The following NDUFAF2 variants were observed in gnomAD, a reference collection of about 807,000 sequenced individuals.
The protein encoded by NDUFAF2 is NADH:ubiquinone oxidoreductase complex assembly factor 2.
NDUFAF2 carries 13 observed loss-of-function variants against 22.8 expected under a neutral mutation model. The ratio of observed to expected loss-of-function variants is 0.57; its 90% CI spans 0.37 to 0.91. The LOEUF is 0.91. Among genes scored for constraint, NDUFAF2 ranks in the 40% least tolerant of loss-of-function variants. NDUFAF2 has a pLI of 0.01. For synonymous variants in NDUFAF2, 53 were observed against 64.2 expected, an observed-to-expected ratio of 0.83 and a Z score of 0.84; for missense variants, 162 against 195.2, an observed-to-expected ratio of 0.83 and a Z score of 1.01.
intron 1 of NDUFAF2, among the ~76,000 whole-genome samples, chr5:61,053,741 C>T (rs1185541093): frequency 6.6e-6 from 1 of 151,488 alleles, no homozygotes; most frequent in Non-Finnish European, 1.5e-5. Flanking sequence ...CCTAAAGAAA[C>T]AATAAAGAAT....
intron 1 of NDUFAF2, among the ~76,000 whole-genome samples, chr5:61,024,736 C>T (rs1751628565): frequency 6.6e-6 from 1 of 151,864 alleles, no homozygotes; most frequent in South Asian, 2.1e-4. Flanking sequence ...TATTATTATA[C>T]CTCTGCTTAA....
chr5:61,081,639 A>T (rs988496507), intron 2 of NDUFAF2, among the ~76,000 whole-genome samples: 1 of 152,218 alleles, frequency 6.6e-6, no homozygotes, highest in African/African-American at 2.4e-5. Flanking sequence ...TCAAATGCCC[A>T]GACAAACCTC....
chr5:61,079,488 TC>T (rs1302140419), intron 2 of NDUFAF2, among the ~76,000 whole-genome samples: 2 of 152,176 alleles, frequency 1.3e-5, no homozygotes, highest in Non-Finnish European at 2.9e-5. Flanking sequence ...CCTATCTATC[TC>T]TAATGCTCTA....
chr5:60,964,288 A>T lies in NDUFAF2; in HGVS notation c.127+18906A>T, dbSNP rs866781716. Among the ~76,000 whole-genome samples, 18 of 152,316 alleles carry T rather than the reference A, an allele frequency of 1.2e-4. No individual in the cohort carries two copies. The Middle Eastern group carries it at 0.01, about 86-fold the overall frequency. ...ATTTTTAAGATTTATTTTTTAAATT[A>T]ACAAATAAGATGTATATATTTATGA... On this transcript the variant is annotated intron_variant, in intron 1 of 3. Transcript: ENST00000296597.
At chr5:61,010,476 T>C (rs762211560) in intron 1 of NDUFAF2, among the ~76,000 whole-genome samples, 4 of 152,050 alleles carry the variant, frequency 2.6e-5, no homozygotes, top group Non-Finnish European at 5.9e-5. Context: ...CTTTCTGCAT[T>C]CAACTCTTCC....
At chr5:61,008,831 A>G (rs1254332355) in intron 1 of NDUFAF2, among the ~76,000 whole-genome samples, 1 of 152,092 alleles carries the variant, frequency 6.6e-6, no homozygotes, top group African/African-American at 2.4e-5. Context: ...TGTAGAAGAA[A>G]TATTGACTAG....
At chr5:61,067,202 A>ACAAC (rs1458585753) in intron 1 of NDUFAF2, among the ~76,000 whole-genome samples, 1 of 152,062 alleles carries the variant, frequency 6.6e-6, no homozygotes, top group Non-Finnish European at 1.5e-5. Flanking sequence ...GTACATGTGC[A>ACAAC]CAACGTGCAG....
intron 1 of NDUFAF2, among the ~76,000 whole-genome samples, chr5:61,053,130 G>C (rs1752046121): frequency 6.6e-6 from 1 of 152,204 alleles, no homozygotes; most frequent in African/African-American, 2.4e-5. Flanking sequence ...AGCCTTAGAA[G>C]TCATGTGTTG....
chr5:60,965,944 A>G (rs1383870363), intron 1 of NDUFAF2, among the ~76,000 whole-genome samples: 1 of 152,100 alleles, frequency 6.6e-6, no homozygotes, highest in Non-Finnish European at 1.5e-5. Flanking sequence ...AAATCTCCAT[A>G]CTGTTTTTCC....
At chr5:60,970,959 T>G (rs1750819159) in intron 1 of NDUFAF2, among the ~76,000 whole-genome samples, 1 of 152,120 alleles carries the variant, frequency 6.6e-6, no homozygotes, top group African/African-American at 2.4e-5. Context: ...CTTTTTTTAC[T>G]GTATTTTTAT....
At chr5:61,034,912 A>ATGTGTG (rs1554080641) in intron 1 of NDUFAF2, among the ~76,000 whole-genome samples, 16,021 of 144,822 alleles carry the variant, frequency 0.11, 1,058 homozygotes, top group Middle Eastern at 0.17. Flanking sequence ...GCAAATATAT[A>ATGTGTG]TGTGTGTGTG....
intron 1 of NDUFAF2, among the ~76,000 whole-genome samples, chr5:60,963,672 T>A (rs545887699): frequency 5.8e-4 from 89 of 152,330 alleles, no homozygotes; most frequent in African/African-American, 2.1e-3. Context: ...AGCAGAATAC[T>A]GAAAAATCCG....
rs369910095 is a variant in NDUFAF2 at position 61,024,004 on chromosome 5, A to G, written c.128-49121A>G. ...GCTTATGGCTCTGGCTTTGACTTCT[A>G]TTTGTTTCCAGCACTTGAGGAATTT... On this transcript the variant is annotated intron_variant, in intron 1 of 3. Transcript: ENST00000296597. 4.6e-5 allele frequency among the ~76,000 whole-genome samples: 7 copies of G among 152,040 alleles called. No homozygotes were observed. The East Asian group carries it at 9.6e-4, about 21-fold the overall frequency.
chr5:61,142,085 A>G (rs1383614361), intron 3 of NDUFAF2, among the ~76,000 whole-genome samples: 2 of 152,204 alleles, frequency 1.3e-5, no homozygotes, highest in Non-Finnish European at 2.9e-5. Context: ...TCCTCTTCCC[A>G]CACAAGGGAG....
At chr5:61,036,218 A>G (rs566422065) in intron 1 of NDUFAF2, among the ~76,000 whole-genome samples, 1 of 152,322 alleles carries the variant, frequency 6.6e-6, no homozygotes, top group South Asian at 2.1e-4. Flanking sequence ...AGGCTGGGAA[A>G]TGTATACGAG....
At chr5:60,964,882 C>T (rs943146252) in intron 1 of NDUFAF2, among the ~76,000 whole-genome samples, 9 of 152,194 alleles carry the variant, frequency 5.9e-5, no homozygotes, top group Admixed American at 4.6e-4. Context: ...CTGGTAACTC[C>T]TCCTGTTCCT....
At chr5:60,982,556 C>A (rs1313596011) in intron 1 of NDUFAF2, among the ~76,000 whole-genome samples, 5 of 111,844 alleles carry the variant, frequency 4.5e-5, no homozygotes, top group African/African-American at 1.7e-4. Context: ...CCCCTCCCCC[C>A]ACCCCACATC....
In NDUFAF2 at chr5:60,970,563, T is replaced by G. The variant is rs112743942; in HGVS notation, c.127+25181T>G. Among the ~76,000 whole-genome samples, 88 of 152,312 alleles carry G rather than the reference T, an allele frequency of 5.8e-4. 1 individual carries two copies. The highest frequency in any genetic ancestry group is 2.0e-3 in the African/African-American group (85 of 41,574). ...TATGTTGATTCTGTATCTCACAACT[T>G]AATTTATTTATCAATTTCAATAGTT... On this transcript the variant is annotated intron_variant, in intron 1 of 3. Transcript: ENST00000296597.
intron 1 of NDUFAF2, among the ~76,000 whole-genome samples, chr5:61,057,497 G>A (rs1752114123): frequency 6.6e-6 from 1 of 152,174 alleles, no homozygotes; most frequent in Non-Finnish European, 1.5e-5. Flanking sequence ...TGTATTCACA[G>A]ATGGACTGGG....
Sources: allele counts gnomAD v4.1 joint callset (sites outside exome capture counted in the v4.1 genomes callset), GRCh38; gene constraint gnomAD v4.1.1; transcripts MANE v1.5; gene names NCBI Gene and HGNC (gene_info 2026-07-23, HGNC 2026-07-21).